UBE2E3: variants seen among roughly 807,000 people sequenced by gnomAD.
UBE2E3 encodes the protein ubiquitin conjugating enzyme E2 E3.
In UBE2E3, 5 loss-of-function variants were observed where a neutral mutation model predicts 23.6. The ratio of observed to expected loss-of-function variants is 0.21; its 90% CI spans 0.11 to 0.44. The LOEUF (loss-of-function observed/expected upper bound fraction) is 0.44, where lower values mean the gene tolerates loss of function less well. UBE2E3 is among the 20% of genes least tolerant of loss of function. UBE2E3 has a pLI of 0.99. For synonymous variants in UBE2E3, 78 were observed against 87.5 expected, an observed-to-expected ratio of 0.89 and a Z score of 0.60; for missense variants, 81 against 249.8, an observed-to-expected ratio of 0.32 and a Z score of 4.55.
At chr2:181,049,347 C>G (rs1350321879) in intron 3 of UBE2E3, among the ~76,000 whole-genome samples, 1 of 151,996 alleles carries the variant, frequency 6.6e-6, no homozygotes, top group African/African-American at 2.4e-5. Context: ...AGTGCCTGGT[C>G]CATAGTAGTT....
At chr2:181,060,373 T>C (rs1219346068) in intron 4 of UBE2E3, among the ~76,000 whole-genome samples, 4 of 151,744 alleles carry the variant, frequency 2.6e-5, no homozygotes, top group African/African-American at 9.7e-5. Context: ...GTATATGCTG[T>C]GGATGTGTAT....
intron 3 of UBE2E3, among the ~76,000 whole-genome samples, chr2:181,016,708 G>A (rs1296660870): frequency 1.3e-5 from 2 of 152,024 alleles, no homozygotes; most frequent in South Asian, 2.1e-4. Flanking sequence ...TCAGTCTCAC[G>A]ACTATTATGA....
At chr2:181,047,329 A>C (rs1166404583) in intron 3 of UBE2E3, among the ~76,000 whole-genome samples, 2 of 152,046 alleles carry the variant, frequency 1.3e-5, no homozygotes, top group African/African-American at 4.8e-5. Flanking sequence ...CTCTTTACCT[A>C]GCCTGGCTCA....
chr2:181,041,995 G>T (rs1441526435), intron 3 of UBE2E3, among the ~76,000 whole-genome samples: 1 of 152,144 alleles, frequency 6.6e-6, no homozygotes, highest in Non-Finnish European at 1.5e-5. Flanking sequence ...TGTAAATGAG[G>T]ATATAATTGT....
rs532062202 is a variant in UBE2E3, at chr2:181,018,604, T to G, written c.245+34511T>G. ...ATTTTGTTTCAATTTCTGTGTTTTT[T>G]TTTTTTTTTTTTCCATTAGTGAGCT... On this transcript the variant is annotated intron_variant, in intron 3 of 5. Transcript: ENST00000410062. Among the ~76,000 whole-genome samples, 674 of 93,034 alleles carry G rather than the reference T, an allele frequency of 7.2e-3. 5 individuals are homozygous for G. The highest frequency in any genetic ancestry group is 0.019 in the African/African-American group (631 of 32,486). The allele number at this position is 93,034 out of a possible 152,430, so 61.0% of individuals were successfully genotyped here.
At chr2:181,061,947 T>C (rs1034638133) in intron 5 of UBE2E3, among the ~76,000 whole-genome samples, 2 of 151,662 alleles carry the variant, frequency 1.3e-5, no homozygotes, top group African/African-American at 4.8e-5. Flanking sequence ...TGCCCATTAA[T>C]AGATGTAACG....
At chr2:181,007,229 G>A (rs907797411) in intron 3 of UBE2E3, among the ~76,000 whole-genome samples, 2 of 152,180 alleles carry the variant, frequency 1.3e-5, no homozygotes, top group Non-Finnish European at 2.9e-5. Flanking sequence ...CTGAGAGAAA[G>A]AAGTGACCCT....
chr2:181,030,721 G>A (rs1278497774), intron 3 of UBE2E3, among the ~76,000 whole-genome samples: 3 of 148,384 alleles, frequency 2.0e-5, no homozygotes, highest in East Asian at 1.9e-4. Flanking sequence ...GTGGGGAAAA[G>A]GTGGAAATTA....
At position 181,029,659 on chromosome 2, in the gene UBE2E3, C is replaced by CT. The variant is rs61149975; in HGVS notation, c.246-28014dup. Among the ~76,000 whole-genome samples the CT allele has an allele frequency of 4.1e-3, 478 of 116,834 alleles. 3 individuals are homozygous for CT. Among genetic ancestry groups the CT allele is most frequent in the Non-Finnish European group, 5.4e-3 (312 of 57,578 alleles). The allele number at this position is 116,834 out of a possible 152,430, so 76.6% of individuals were successfully genotyped here. A position where few individuals can be genotyped will look rare whatever the true frequency, so the allele number is the denominator to read the frequency against. ...TCTTTGATTTTTATCTGTAGACAAT[C>CT]TTTTTTTTTTTTTTTTTTTTAAGTT... is the stretch of plus-strand genomic sequence containing the variant. On this transcript the variant is annotated intron_variant, in intron 3 of 5. Transcript: ENST00000410062.
At chr2:181,000,851 G>A (rs1285527056) in intron 3 of UBE2E3, among the ~76,000 whole-genome samples, 1 of 152,152 alleles carries the variant, frequency 6.6e-6, no homozygotes, top group African/African-American at 2.4e-5. Context: ...AAGCAAAATC[G>A]TAAAGGCATT....
chr2:181,033,242 G>A (rs543379279), intron 3 of UBE2E3, among the ~76,000 whole-genome samples: 52 of 152,174 alleles, frequency 3.4e-4, no homozygotes, highest in Non-Finnish European at 5.9e-4. Context: ...AGCCAAAAGA[G>A]CAAAGCTGGA....
chr2:181,050,775 A>G (rs796394333), intron 3 of UBE2E3, among the ~76,000 whole-genome samples: 62 of 151,978 alleles, frequency 4.1e-4, no homozygotes, highest in African/African-American at 1.4e-3. Flanking sequence ...GAACAGGATT[A>G]CTACTATTGA....
rs147682380 is a variant in UBE2E3, at chr2:180,994,996, G to C, written c.245+10903G>C. 5.3e-3 allele frequency among the ~76,000 whole-genome samples: 800 copies of C among 152,292 alleles called. 22 individuals are homozygous for C. The highest frequency in any genetic ancestry group is 0.046 in the Admixed American group (704 of 15,298). On this transcript the variant is annotated intron_variant, in intron 3 of 5. Coordinates refer to ENST00000410062, the MANE Select transcript of UBE2E3 (RefSeq NM_006357.4). Reference sequence around the variant, plus strand: ...AACTATAACATACTGTATTACTGCAGTAATTTTGTAGCCACCTCCTGTTGC... The same window carrying C: ...AACTATAACATACTGTATTACTGCACTAATTTTGTAGCCACCTCCTGTTGC...
chr2:181,017,294 G>A (rs545747519), intron 3 of UBE2E3, among the ~76,000 whole-genome samples: 2 of 152,166 alleles, frequency 1.3e-5, no homozygotes, highest in Non-Finnish European at 2.9e-5. Flanking sequence ...TAAAGGCTGA[G>A]GTCCAGGAGG....
At chr2:181,011,534 T>C (rs1406707305) in intron 3 of UBE2E3, among the ~76,000 whole-genome samples, 3 of 152,100 alleles carry the variant, frequency 2.0e-5, no homozygotes, top group Non-Finnish European at 4.4e-5. Flanking sequence ...ACAAGTCCAG[T>C]ACTCTTCCCA....
chr2:181,010,483 T>C (rs565349172), intron 3 of UBE2E3, among the ~76,000 whole-genome samples: 1 of 152,300 alleles, frequency 6.6e-6, no homozygotes, highest in East Asian at 1.9e-4. Context: ...TTCTTAGCTG[T>C]AGAAGAAATC....
chr2:180,988,446 A>G (rs925880595), intron 3 of UBE2E3, among the ~76,000 whole-genome samples: 2 of 152,222 alleles, frequency 1.3e-5, no homozygotes, highest in African/African-American at 4.8e-5. Context: ...AACATGCATA[A>G]GATTAATGAT....
At chr2:181,005,039 G>A (rs993488411) in intron 3 of UBE2E3, among the ~76,000 whole-genome samples, 2 of 152,190 alleles carry the variant, frequency 1.3e-5, no homozygotes, top group African/African-American at 4.8e-5. Context: ...GACTTTGAAT[G>A]CCTGTATCAG....
chr2:181,039,829 A>G (rs1004418128), intron 3 of UBE2E3, among the ~76,000 whole-genome samples: 3 of 152,228 alleles, frequency 2.0e-5, no homozygotes, highest in South Asian at 2.1e-4. Flanking sequence ...CAAGTTCCTT[A>G]TATAAAATGG....
Sources: allele counts gnomAD v4.1 joint callset (sites outside exome capture counted in the v4.1 genomes callset), GRCh38; gene constraint gnomAD v4.1.1; transcripts MANE v1.5; gene names NCBI Gene and HGNC (gene_info 2026-07-23, HGNC 2026-07-21).